RAB3GAP2: variants seen among roughly 807,000 people sequenced by gnomAD.
RAB3GAP2 encodes RAB3 GTPase activating non-catalytic protein subunit 2.
A neutral mutation model predicts 185.3 loss-of-function variants in RAB3GAP2; 87 were observed. The ratio of observed to expected loss-of-function variants is 0.47; its 90% CI spans 0.39 to 0.56. The LOEUF (loss-of-function observed/expected upper bound fraction) is 0.56. Among genes scored for constraint, RAB3GAP2 ranks in the 20% least tolerant of loss-of-function variants. The pLI, the probability that RAB3GAP2 is intolerant of heterozygous loss-of-function variation, is 0.00. For missense variants in RAB3GAP2, 1,492 were observed against 1,638.2 expected (o/e 0.91, Z 1.54); for synonymous variants, 554 against 576.1 (o/e 0.96, Z 0.55).
At chr1:220,194,733 A>C (rs1658691482) in intron 12 of RAB3GAP2, among the ~76,000 whole-genome samples, 1 of 152,238 alleles carries the variant, frequency 6.6e-6, no homozygotes, top group African/African-American at 2.4e-5. Context: ...GTACTTTTAA[A>C]GTTTATACAA....
rs79284196 is a variant in RAB3GAP2 at position 220,234,350 on chromosome 1, G to A, written c.116-1487C>T. 3.5e-3 allele frequency among the ~76,000 whole-genome samples: 530 copies of A among 152,278 alleles called. 3 individuals carry two copies. The highest frequency in any genetic ancestry group is 0.012 in the African/African-American group (516 of 41,546). The stretch of plus-strand genomic sequence containing the variant: ...GAAGCAAATAGATTCACTTATATAC[G>A]AGGTTTTAAAGGTTGCTGAAATCAA... On this transcript the variant is annotated intron_variant, in intron 1 of 34. Transcript: ENST00000358951.
chr1:220,153,157 C>T, intron 33 of RAB3GAP2, 28 bp downstream of exon 33: 1 of 1,522,698 alleles, frequency 6.6e-7, no homozygotes, highest in Non-Finnish European at 9.1e-7. Context: ...AACTTGAGCC[C>T]AATTAACATT....
chr1:220,245,374 G>A (rs951216578), intron 1 of RAB3GAP2, among the ~76,000 whole-genome samples: 2 of 152,254 alleles, frequency 1.3e-5, no homozygotes, highest in African/African-American at 4.8e-5. Context: ...AGGGGTCAGG[G>A]AGGTCCCTTT....
chr1:220,187,930 AACT>A (rs1357588989), intron 17 of RAB3GAP2, among the ~76,000 whole-genome samples: 1 of 152,080 alleles, frequency 6.6e-6, no homozygotes, highest in Non-Finnish European at 1.5e-5. Context: ...GCTGACAACC[AACT>A]ACTTGTGACT....
intron 2 of RAB3GAP2, among the ~76,000 whole-genome samples, chr1:220,227,587 T>C (rs921450656): frequency 2.0e-5 from 3 of 152,032 alleles, no homozygotes; most frequent in African/African-American, 7.3e-5. Context: ...TCCTCTTTGC[T>C]TCCCCTCCTG....
At chr1:220,203,080 A>C (rs1474514994) in intron 8 of RAB3GAP2, among the ~76,000 whole-genome samples, 1 of 152,256 alleles carries the variant, frequency 6.6e-6, no homozygotes, top group African/African-American at 2.4e-5. Context: ...AGAAAAACTA[A>C]AAACCTGATA....
At position 220,256,097 on chromosome 1, in the gene RAB3GAP2, A is replaced by G. The variant is rs570142258; in HGVS notation, c.115+16126T>C. On this transcript the variant is annotated intron_variant, in intron 1 of 34. Transcript: ENST00000358951. ...CAGCAAATCTCTCAACTGGGGGTCA[A>G]TGTTCAACATTCTTAAAGAAAAGAA... Among the ~76,000 whole-genome samples, 72 of 152,320 alleles carry G rather than the reference A, an allele frequency of 4.7e-4. No individual in the cohort carries two copies. In the South Asian group the frequency reaches 0.014, roughly 31 times the overall value.
chr1:220,157,218 T>G, intron 31 of RAB3GAP2, 52 bp downstream of exon 31: 1 of 1,459,266 alleles, frequency 6.9e-7, no homozygotes, highest in Admixed American at 1.8e-5. Context: ...AATCCATGTG[T>G]CTGCTAAGCC....
chr1:220,183,004 C>T, intron 19 of RAB3GAP2, 73 bp from the exon 20 acceptor site: 1 of 1,337,552 alleles, frequency 7.5e-7, no homozygotes, highest in Non-Finnish European at 1.1e-6. Context: ...AAATTCAAGG[C>T]TGTAAGCAAA....
At chr1:220,226,731 A>C (rs529986529) in intron 2 of RAB3GAP2, among the ~76,000 whole-genome samples, 1 of 152,184 alleles carries the variant, frequency 6.6e-6, no homozygotes, top group East Asian at 1.9e-4. Context: ...TGCCCAATTC[A>C]GTACACTTGC....
chr1:220,224,552 T>G (rs1659369398), intron 2 of RAB3GAP2, among the ~76,000 whole-genome samples: 2 of 152,062 alleles, frequency 1.3e-5, no homozygotes, highest in Non-Finnish European at 2.9e-5. Flanking sequence ...ATGTGTAAAA[T>G]TAAAGTCTAT....
chr1:220,210,696 A>G, intron 6 of RAB3GAP2, 105 bp downstream of exon 6: 1 of 1,248,064 alleles, frequency 8.0e-7, no homozygotes, highest in South Asian at 1.3e-5. Flanking sequence ...AATCAACTAC[A>G]CATTTTCAGG....
rs1370543074 is a variant in RAB3GAP2 at position 220,236,940 on chromosome 1, C to A, written c.116-4077G>T. On this transcript the variant is annotated intron_variant, in intron 1 of 34. Transcript: ENST00000358951. ...TATTACTATAAGGCCTTGAGGTTCA[C>A]AAACTCTACGTCATCATGAAGAAAT... Among the ~76,000 whole-genome samples, 5 of 152,162 alleles carry A rather than the reference C, an allele frequency of 3.3e-5. No individual in the cohort carries two copies. The East Asian group carries it at 7.7e-4, about 23-fold the overall frequency.
In RAB3GAP2 at chr1:220,229,307, T is replaced by C. The variant is rs553166459; in HGVS notation, c.180+3492A>G. 8.6e-4 allele frequency among the ~76,000 whole-genome samples: 131 copies of C among 152,322 alleles called. 2 individuals are homozygous for C. The Middle Eastern group carries it at 0.014, about 16-fold the overall frequency. Reference sequence around the variant, plus strand: ...AAATACAAGGAAAACTAACTGCATCTATTCCACAGAGCAGCCAAGGTGAGC... The same window carrying C: ...AAATACAAGGAAAACTAACTGCATCCATTCCACAGAGCAGCCAAGGTGAGC... On this transcript the variant is annotated intron_variant, in intron 2 of 34. Coordinates refer to ENST00000358951, the MANE Select transcript of RAB3GAP2 (RefSeq NM_012414.4).
At chr1:220,179,102 A>G (rs1172608705) in intron 21 of RAB3GAP2, among the ~76,000 whole-genome samples, 4 of 152,134 alleles carry the variant, frequency 2.6e-5, no homozygotes, top group Non-Finnish European at 5.9e-5. Context: ...TATATCAGAC[A>G]GAATAGACTT....
intron 1 of RAB3GAP2, among the ~76,000 whole-genome samples, chr1:220,240,931 T>C (rs1440738318): frequency 1.3e-5 from 2 of 152,100 alleles, no homozygotes; most frequent in African/African-American, 4.8e-5. Context: ...AATTCCCTTC[T>C]GAAGAGAATT....
At chr1:220,213,708 G>T in intron 3 of RAB3GAP2, 148 bp downstream of exon 3, 1 of 723,314 alleles carries the variant, frequency 1.4e-6, no homozygotes, top group Non-Finnish European at 2.1e-6. Context: ...GGAGAGGGAG[G>T]GAGGGAGGGG....
chr1:220,232,158 A>G (rs1659513805), intron 2 of RAB3GAP2, among the ~76,000 whole-genome samples: 1 of 152,212 alleles, frequency 6.6e-6, no homozygotes, highest in Non-Finnish European at 1.5e-5. Flanking sequence ...AAAGAATATA[A>G]AAGAATAATT....
intron 24 of RAB3GAP2, among the ~76,000 whole-genome samples, chr1:220,168,352 A>G (rs985064800): frequency 7.2e-5 from 11 of 151,866 alleles, no homozygotes; most frequent in African/African-American, 2.7e-4. Context: ...TCAGCCCCCC[A>G]AAGTGCTAGG....
Sources: allele counts gnomAD v4.1 joint callset (sites outside exome capture counted in the v4.1 genomes callset), GRCh38; gene constraint gnomAD v4.1.1; transcripts MANE v1.5; gene names NCBI Gene and HGNC (gene_info 2026-07-23, HGNC 2026-07-21).